The following ZFHX3 variants were observed in gnomAD, a reference collection of about 807,000 sequenced individuals.
The protein encoded by ZFHX3 is zinc finger homeobox 3.
ZFHX3 carries 42 observed loss-of-function variants against 279.1 expected under a neutral mutation model. That is an observed-to-expected ratio of 0.15 (90% CI 0.12 to 0.19). The LOEUF (loss-of-function observed/expected upper bound fraction) is 0.19. ZFHX3 is among the 10% of genes least tolerant of loss of function. ZFHX3 has a pLI of 1.00. For synonymous variants in ZFHX3, 2,293 were observed against 1,957.8 expected, an observed-to-expected ratio of 1.17 and a Z score of -4.52; for missense variants, 4,981 against 4,754.0, an observed-to-expected ratio of 1.05 and a Z score of -1.40.
chr16:73,106,658 A>G (rs1966308917), intron 7 of ZFHX3, among the ~76,000 whole-genome samples: 5 of 152,206 alleles, frequency 3.3e-5, no homozygotes, highest in Admixed American at 3.3e-4. Context: ...CAAGTTGGAA[A>G]AAGCTGGGGG....
chr16:73,543,712 C>A (rs1369992039), intron 2 of ZFHX3, among the ~76,000 whole-genome samples: 1 of 151,944 alleles, frequency 6.6e-6, no homozygotes. Context: ...GCCCAAGTCC[C>A]CCGCCCCCAC....
Position 73,195,940 on chromosome 16 carries a change from C to G in ZFHX3, c.-1103-52109G>C, listed in dbSNP as rs528681511. ...AAGATAATGTAGCAACCACTAGTTA[C>G]CATCTTTATACGTGTATATCTTTGT... On this transcript the variant is annotated intron_variant, in intron 5 of 17. Coordinates refer to the ZFHX3 transcript ENST00000641206. Among the ~76,000 whole-genome samples, 5 of 152,226 alleles carry G rather than the reference C, an allele frequency of 3.3e-5. No homozygotes were observed. In the South Asian group the frequency reaches 1.0e-3, roughly 32 times the overall value.
intron 3 of ZFHX3, among the ~76,000 whole-genome samples, chr16:73,444,845 T>G (rs1003766245): frequency 1.4e-5 from 2 of 147,802 alleles, no homozygotes; most frequent in Non-Finnish European, 3.0e-5. Flanking sequence ...CATGGCCGGG[T>G]GCGGTGGCTC....
chr16:73,242,254 A>C (rs549558616), intron 5 of ZFHX3, among the ~76,000 whole-genome samples: 9 of 152,120 alleles, frequency 5.9e-5, no homozygotes, highest in Non-Finnish European at 1.2e-4. Context: ...AAGAAGGAGA[A>C]CCTAGCTCCC....
In ZFHX3 at chr16:72,784,912, TAAAAAAGA is replaced by T. The variant is rs938313943; in HGVS notation, c.*2244_*2251del. 9.9e-5 allele frequency: 15 copies of T among 152,234 alleles called. No individual in the cohort carries two copies. Among genetic ancestry groups the T allele is most frequent in the South Asian group, 6.2e-4 (3 of 4,832 alleles). The allele number at this position is 152,234 out of a possible 1,614,324, so 9.4% of individuals were successfully genotyped here. On this transcript the variant is annotated 3_prime_UTR_variant, in exon 10 of 10. Transcript: ENST00000268489. ...TTCATAAAAATAAAATAGTCCCGGC[TAAAAAAGA>T]AAAAAAGAAAAAAAATCCATTTTCA...
chr16:73,502,615 A>G (rs1326234154), intron 2 of ZFHX3, among the ~76,000 whole-genome samples: 1 of 152,208 alleles, frequency 6.6e-6, no homozygotes, highest in East Asian at 1.9e-4. Flanking sequence ...GCTGAGAACC[A>G]CACTAAAGTA....
intron 5 of ZFHX3, among the ~76,000 whole-genome samples, chr16:73,248,271 T>A (rs150789757): frequency 1.3e-5 from 2 of 151,662 alleles, no homozygotes; most frequent in Non-Finnish European, 2.9e-5. Context: ...TGTGGAATGT[T>A]TGCATATGTG....
chr16:73,223,647 T>C (rs1035845592), intron 5 of ZFHX3, among the ~76,000 whole-genome samples: 1 of 152,208 alleles, frequency 6.6e-6, no homozygotes, highest in Admixed American at 6.5e-5. Flanking sequence ...AGTTTAACCA[T>C]TTCTTACAAA....
At chr16:73,227,603 C>G (rs1242264157) in intron 5 of ZFHX3, among the ~76,000 whole-genome samples, 2 of 151,956 alleles carry the variant, frequency 1.3e-5, no homozygotes, top group African/African-American at 4.8e-5. Flanking sequence ...AATCCGAGGA[C>G]TTTGGGAGGT....
At chr16:73,117,845 T>C (rs1359935135) in intron 7 of ZFHX3, among the ~76,000 whole-genome samples, 2 of 152,206 alleles carry the variant, frequency 1.3e-5, no homozygotes, top group African/African-American at 2.4e-5. Flanking sequence ...TTCTACCATA[T>C]GAGGACACAG....
In ZFHX3 at chr16:73,040,680, A is replaced by G. The variant is rs568239759; in HGVS notation, c.-50+7072T>C. ...CCATGGGGAAGAAGAGAATTGCTGGACCTTTTAGTTTATTTCTTCCAAGGT... is the reference window on the plus strand; with the variant it reads ...CCATGGGGAAGAAGAGAATTGCTGGGCCTTTTAGTTTATTTCTTCCAAGGT... On this transcript the variant is annotated intron_variant, in intron 1 of 9. Coordinates refer to ENST00000268489, the MANE Select transcript of ZFHX3 (RefSeq NM_006885.4). Among the ~76,000 whole-genome samples, 5 of 152,316 alleles carry G rather than the reference A, an allele frequency of 3.3e-5. No homozygotes were observed. The East Asian group carries it at 9.7e-4, about 29-fold the overall frequency.
intron 1 of ZFHX3, among the ~76,000 whole-genome samples, chr16:73,723,005 A>T (rs546108491): frequency 6.6e-5 from 10 of 152,322 alleles, no homozygotes; most frequent in Non-Finnish European, 1.5e-4. Context: ...GTGGTCTTCA[A>T]GCTAAATGCT....
At chr16:72,890,431 G>C (rs1390902669) in intron 3 of ZFHX3, among the ~76,000 whole-genome samples, 1 of 151,742 alleles carries the variant, frequency 6.6e-6, no homozygotes, top group East Asian at 1.9e-4. Flanking sequence ...CCCAGTCCTA[G>C]GCAGTTCTTA....
chr16:73,433,537 C>T (rs1376594999), intron 3 of ZFHX3, among the ~76,000 whole-genome samples: 2 of 152,196 alleles, frequency 1.3e-5, no homozygotes, highest in Non-Finnish European at 2.9e-5. Flanking sequence ...TAAGGCCCCT[C>T]CTGGCAACCG....
rs117821022 is a variant in ZFHX3, at chr16:73,331,379, C to A, written c.-1290-13043G>T. On this transcript the variant is annotated intron_variant, in intron 3 of 17. Transcript: ENST00000641206. ...TCAGCAGCATTTGTAGAAAGGGCAT[C>A]CTGAGAGTAGAAAATGTCCAAAGAG... Among the ~76,000 whole-genome samples, 941 of 152,256 alleles carry A rather than the reference C, an allele frequency of 6.2e-3. 5 individuals carry two copies. Among genetic ancestry groups the A allele is most frequent in the Non-Finnish European group, 9.9e-3 (672 of 68,018 alleles).
At chr16:73,605,278 GAA>G (rs1383797868) in intron 2 of ZFHX3, among the ~76,000 whole-genome samples, 7 of 152,210 alleles carry the variant, frequency 4.6e-5, no homozygotes, top group Admixed American at 2.0e-4. Flanking sequence ...GAAGCTCGCT[GAA>G]AACCTCATCG....
rs1968058596 is a variant in ZFHX3, at chr16:73,192,310, CTGTT to C, written c.-1103-48483_-1103-48480del. ...ATGAATGAAAATTTAGGAAGAGTGA[CTGTT>C]TGAAATGAGGCATTGAGAGGTGCTG... On this transcript the variant is annotated intron_variant, in intron 5 of 17. Coordinates refer to the ZFHX3 transcript ENST00000641206. Among the ~76,000 whole-genome samples, 6 of 152,272 alleles carry C rather than the reference CTGTT, an allele frequency of 3.9e-5. No individual in the cohort carries two copies. In the South Asian group the frequency reaches 1.2e-3, roughly 32 times the overall value.
chr16:72,971,455 G>A (rs1962101226), intron 1 of ZFHX3, among the ~76,000 whole-genome samples: 1 of 152,196 alleles, frequency 6.6e-6, no homozygotes, highest in Non-Finnish European at 1.5e-5. Flanking sequence ...TGAGGAAACT[G>A]AGGCTTAGAG....
At chr16:73,350,212 T>A (rs2016212596) in intron 3 of ZFHX3, among the ~76,000 whole-genome samples, 1 of 152,154 alleles carries the variant, frequency 6.6e-6, no homozygotes, top group Non-Finnish European at 1.5e-5. Flanking sequence ...TTTTCCCTGA[T>A]GATTACCTTC....
Sources: gnomAD v4.1 joint callset for allele counts (sites outside exome capture counted in the v4.1 genomes callset) on GRCh38, gnomAD v4.1.1 for gene constraint, MANE v1.5 for transcripts, NCBI Gene and HGNC (gene_info 2026-07-23, HGNC 2026-07-21) for gene names.